EIF2B3: variants seen among roughly 807,000 people sequenced by gnomAD.
The protein encoded by EIF2B3 is translation initiation factor eIF2B subunit gamma.
Under a neutral mutation model 54.1 loss-of-function variants are expected in EIF2B3, and 20 were observed. The observed-to-expected ratio is 0.37, with a 90% confidence interval of 0.26 to 0.54. The LOEUF (loss-of-function observed/expected upper bound fraction) is 0.54, where lower values mean the gene tolerates loss of function less well. Ranked by LOEUF, EIF2B3 falls within the 20% of genes least tolerant of loss-of-function variation. EIF2B3 has a pLI of 0.86. For missense variants in EIF2B3, 448 were observed against 547.8 expected, an observed-to-expected ratio of 0.82 and a Z score of 1.82; for synonymous variants, 153 against 188.1, an observed-to-expected ratio of 0.81 and a Z score of 1.52.
chr1:44,908,207 C>A (rs1279645171), intron 5 of EIF2B3, among the ~76,000 whole-genome samples: 4 of 152,188 alleles, frequency 2.6e-5, no homozygotes, highest in African/African-American at 9.7e-5. Context: ...TTACTGGGAT[C>A]CTACTATGTC....
chr1:44,880,852 TG>T (rs1439539754), intron 7 of EIF2B3, among the ~76,000 whole-genome samples: 2 of 151,690 alleles, frequency 1.3e-5, no homozygotes, highest in Admixed American at 6.6e-5. Context: ...TCCTAGCTGC[TG>T]GGGAGGCTGA....
At position 44,852,115 on chromosome 1, in the gene EIF2B3, A is replaced by T. The variant is rs189917953; in HGVS notation, c.1307-1112T>A. On this transcript the variant is annotated intron_variant, in intron 11 of 11. Coordinates refer to ENST00000360403, the MANE Select transcript of EIF2B3 (RefSeq NM_020365.5). ...AGGCATATGACGCCACACATGGCTA[A>T]TTTTTTTTTTTTTTTTTTTTGTATT... Among the ~76,000 whole-genome samples the T allele has an allele frequency of 0.033, 4,423 of 133,238 alleles. 671 individuals carry two copies. The East Asian group carries it at 0.48, about 14-fold the overall frequency. The allele number at this position is 133,238 out of a possible 152,430, so 87.4% of individuals were successfully genotyped here.
intron 10 of EIF2B3, among the ~76,000 whole-genome samples, chr1:44,865,725 G>A (rs572393737): frequency 1.3e-4 from 20 of 152,186 alleles, no homozygotes; most frequent in African/African-American, 1.9e-4. Flanking sequence ...TGGGATTACA[G>A]GCATGCGCCA....
chr1:44,868,354 C>T (rs1208899783), intron 10 of EIF2B3, among the ~76,000 whole-genome samples: 4 of 135,236 alleles, frequency 3.0e-5, no homozygotes, highest in Non-Finnish European at 3.0e-5. Context: ...GCTGAGATTG[C>T]GCCACTGTAC....
chr1:44,950,636 TG>T (rs1281322667), intron 3 of EIF2B3, among the ~76,000 whole-genome samples: 1 of 152,136 alleles, frequency 6.6e-6, no homozygotes, highest in Non-Finnish European at 1.5e-5. Flanking sequence ...TAAATGATAT[TG>T]AATTATTTAA....
intron 5 of EIF2B3, among the ~76,000 whole-genome samples, chr1:44,924,665 C>T (rs961170896): frequency 2.0e-5 from 3 of 152,128 alleles, no homozygotes; most frequent in African/African-American, 4.8e-5. Context: ...GAATTACAGG[C>T]GTGAGCCACC....
chr1:44,926,984 A>C (rs967325395), intron 4 of EIF2B3, among the ~76,000 whole-genome samples: 1 of 152,034 alleles, frequency 6.6e-6, no homozygotes, highest in South Asian at 2.1e-4. Flanking sequence ...AAAATACAAA[A>C]ATTAGCCGAG....
intron 3 of EIF2B3, among the ~76,000 whole-genome samples, chr1:44,960,382 G>A (rs1340635934): frequency 6.6e-6 from 1 of 152,278 alleles, no homozygotes; most frequent in East Asian, 1.9e-4. Context: ...GCTCACATCT[G>A]TAATCCCAGC....
intron 2 of EIF2B3, among the ~76,000 whole-genome samples, 183 bp from the exon 3 acceptor site, chr1:44,978,643 T>A (rs1644480024): frequency 8.3e-6 from 1 of 120,422 alleles, no homozygotes; most frequent in Non-Finnish European, 1.8e-5. Context: ...TTTTTTTTTT[T>A]TTTTTTTTTT....
intron 5 of EIF2B3, among the ~76,000 whole-genome samples, chr1:44,898,364 C>G (rs1194057228): frequency 6.6e-6 from 1 of 152,176 alleles, no homozygotes; most frequent in African/African-American, 2.4e-5. Flanking sequence ...TTGTCTCTCT[C>G]TCTCCCACTA....
chr1:44,969,990 A>G (rs1281213956), intron 3 of EIF2B3: 3 of 152,212 alleles, frequency 2.0e-5, no homozygotes, highest in Non-Finnish European at 2.9e-5. Flanking sequence ...AGGGCCTGGG[A>G]GAATGAATGA....
chr1:44,917,248 C>G lies in EIF2B3; in HGVS notation c.566+9380G>C, dbSNP rs191535196. ...GTGGCTCACACCTGTAATCCCAGCA[C>G]TTTGTGAGGCTAAGGCGGGCCAATC... is the stretch of plus-strand genomic sequence containing the variant. On this transcript the variant is annotated intron_variant, in intron 5 of 11. Coordinates refer to ENST00000360403, the MANE Select transcript of EIF2B3 (RefSeq NM_020365.5). Among the ~76,000 whole-genome samples the G allele has an allele frequency of 5.1e-3, 784 of 152,252 alleles. 10 individuals carry two copies. The highest frequency in any genetic ancestry group is 0.018 in the African/African-American group (753 of 41,534).
At chr1:44,880,239 C>T (rs1655346017) in intron 7 of EIF2B3, among the ~76,000 whole-genome samples, 1 of 152,168 alleles carries the variant, frequency 6.6e-6, no homozygotes, top group African/African-American at 2.4e-5. Flanking sequence ...GAGATTACAG[C>T]TCACACTTCT....
chr1:44,914,415 C>A (rs1291590920), intron 5 of EIF2B3, among the ~76,000 whole-genome samples: 1 of 152,100 alleles, frequency 6.6e-6, no homozygotes, highest in Non-Finnish European at 1.5e-5. Flanking sequence ...TCCACCTCGG[C>A]CTCTCAAAGT....
At chr1:44,892,852 C>T (rs766419742) in intron 6 of EIF2B3, among the ~76,000 whole-genome samples, 9 of 152,130 alleles carry the variant, frequency 5.9e-5, no homozygotes, top group Admixed American at 1.3e-4. Flanking sequence ...GTAAAGGACA[C>T]ATTGTGCAAT....
chr1:44,969,104 A>G (rs1644374046), intron 3 of EIF2B3, among the ~76,000 whole-genome samples: 1 of 152,174 alleles, frequency 6.6e-6, no homozygotes, highest in Non-Finnish European at 1.5e-5. Flanking sequence ...AGTGATCATC[A>G]ACGGCTGCTA....
intron 3 of EIF2B3, among the ~76,000 whole-genome samples, chr1:44,974,482 A>G (rs1644433649): frequency 6.6e-6 from 1 of 151,258 alleles, no homozygotes; most frequent in Non-Finnish European, 1.5e-5. Flanking sequence ...CTAAAAAAAA[A>G]AAAAAGAAAA....
chr1:44,978,521 C>T (rs1644476832), intron 2 of EIF2B3, 61 bp from the exon 3 acceptor site: 15 of 1,552,002 alleles, frequency 9.7e-6, no homozygotes, highest in Non-Finnish European at 1.1e-5. Context: ...ACAGTGGTTC[C>T]ATTATTTCAA....
chr1:44,890,741 TTGCC>T (rs1469319178), intron 6 of EIF2B3, among the ~76,000 whole-genome samples: 1 of 152,196 alleles, frequency 6.6e-6, no homozygotes, highest in Non-Finnish European at 1.5e-5. Flanking sequence ...TGTCTATAAG[TTGCC>T]CTAATAAATC....
Sources: allele counts gnomAD v4.1 joint callset (sites outside exome capture counted in the v4.1 genomes callset), GRCh38; gene constraint gnomAD v4.1.1; transcripts MANE v1.5; gene names NCBI Gene and HGNC (gene_info 2026-07-23, HGNC 2026-07-21).